LPAR5: variants seen among roughly 807,000 people sequenced by gnomAD.
LPAR5 encodes G protein-coupled receptor 92.
For missense variants in LPAR5, 544 were observed against 521.8 expected, an observed-to-expected ratio of 1.04 and a Z score of -0.41; for synonymous variants, 271 against 261.6, an observed-to-expected ratio of 1.04 and a Z score of -0.35.
rs1175559856 is a variant in LPAR5 at position 6,620,785 on chromosome 12, G to A, written c.464C>T (p.Pro155Leu). 6.3e-7 allele frequency: 1 copy of A among 1,582,566 alleles called. No homozygotes were observed. The highest frequency in any genetic ancestry group is 8.6e-7 in the Non-Finnish European group (1 of 1,165,098). The change falls in exon 2 of 2, where the codon CCC (proline) becomes CTC (leucine). Residue 155 changes from proline (P) to leucine (L), a missense_variant. Physicochemically the swap from Pro to Leu is moderately conservative, Grantham distance 98 (BLOSUM62 -3). Coordinates refer to ENST00000329858, the MANE Select transcript of LPAR5 (RefSeq NM_020400.6). This position sits in a 1 kb window ranked among gnomAD's most constrained non-coding sequence, Gnocchi z 6.8. ...VWALILVFAVPAARVHRPSRC... is the reference protein window; with the variant it reads ...VWALILVFAVLAARVHRPSRC... ...CGAGGGCCTGTGCACGCGGGCGGCGGGCACGGCAAACACCAGGATGAGCGC... is the reference window on the plus strand; with the variant it reads ...CGAGGGCCTGTGCACGCGGGCGGCGAGCACGGCAAACACCAGGATGAGCGC...
Position 6,621,061 on chromosome 12 carries a change from T to G in LPAR5, c.188A>C (p.Asn63Thr). The G allele has an allele frequency of 6.2e-7, 1 of 1,605,228 alleles. No individual in the cohort carries two copies. The highest frequency in any genetic ancestry group is 8.5e-7 in the Non-Finnish European group (1 of 1,174,890). ...GAAGAGCAGGTCGCTGGCCGCCAGG[T>G]TACACATGTACACGCTCACCACCGA... ...VHSVVSVYMC[N>T]LAASDLLFTL... The change falls in exon 2 of 2, where the codon AAC (asparagine) becomes ACC (threonine). Residue 63 changes from asparagine (N) to threonine (T), a missense_variant. Coordinates refer to ENST00000329858, the MANE Select transcript of LPAR5 (RefSeq NM_020400.6).
chr12:6,625,525 T>G (rs890394705), intron 1 of LPAR5, among the ~76,000 whole-genome samples: 3 of 150,060 alleles, frequency 2.0e-5, no homozygotes, highest in Non-Finnish European at 4.4e-5. Context: ...ATCGAGACCA[T>G]CCTGGCTAAC....
At position 6,635,395 on chromosome 12, in the gene LPAR5, A is replaced by G. The variant is rs1462540559; in HGVS notation, c.-217+512T>C. On this transcript the variant is annotated intron_variant, in intron 1 of 1. Transcript: ENST00000329858. ...TAAGGCAGCACTTCCTGAAGACCCC[A>G]TTACAGTACACCTTGGCTAGTTGGG... Among the ~76,000 whole-genome samples, 4 of 152,220 alleles carry G rather than the reference A, an allele frequency of 2.6e-5. No individual in the cohort carries two copies. The East Asian group carries it at 7.7e-4, about 29-fold the overall frequency.
intron 1 of LPAR5, among the ~76,000 whole-genome samples, chr12:6,628,240 C>T (rs1284693493): frequency 2.0e-5 from 3 of 152,058 alleles, no homozygotes; most frequent in Admixed American, 1.3e-4. Flanking sequence ...CCAGGATGGT[C>T]TCTATCTCCT....
chr12:6,621,193 C>T lies in LPAR5; in HGVS notation c.56G>A (p.Arg19Gln). The part of the protein sequence containing the change: ...NSSVLPCPDY[R>Q]PTHRLHLVVY... ...CACCAAGTGCAGGCGGTGGGTAGGTCGGTAGTCAGGACACGGGAGAACAGA... is the reference window on the plus strand; with the variant it reads ...CACCAAGTGCAGGCGGTGGGTAGGTTGGTAGTCAGGACACGGGAGAACAGA... The change falls in exon 2 of 2, where the codon CGA (arginine) becomes CAA (glutamine). Residue 19 changes from arginine to glutamine, a missense_variant. Physicochemically the swap from Arg to Gln is conservative, Grantham distance 43. Transcript: ENST00000329858. 1.9e-6 allele frequency: 3 copies of T among 1,553,606 alleles called. No individual in the cohort carries two copies. The highest frequency in any genetic ancestry group is 2.6e-6 in the Non-Finnish European group (3 of 1,150,464).
chr12:6,626,803 G>T (rs755217770), intron 1 of LPAR5, among the ~76,000 whole-genome samples: 2 of 152,222 alleles, frequency 1.3e-5, no homozygotes, highest in East Asian at 3.9e-4. Flanking sequence ...AACCGCCCCC[G>T]CAACACAAGG....
At chr12:6,628,168 C>G (rs1384187947) in intron 1 of LPAR5, among the ~76,000 whole-genome samples, 1 of 151,118 alleles carries the variant, frequency 6.6e-6, no homozygotes, top group East Asian at 2.0e-4. Context: ...ACTACAGGCA[C>G]CTGCCACCTC....
chr12:6,624,481 A>G (rs757062473), intron 1 of LPAR5, among the ~76,000 whole-genome samples: 3 of 151,934 alleles, frequency 2.0e-5, no homozygotes, highest in Non-Finnish European at 2.9e-5. Context: ...TTCTGTCTCA[A>G]TGAATTTGCC....
chr12:6,627,371 C>G (rs969621170), intron 1 of LPAR5, among the ~76,000 whole-genome samples: 1 of 152,150 alleles, frequency 6.6e-6, no homozygotes, highest in African/African-American at 2.4e-5. Flanking sequence ...GCAGGCGTAT[C>G]ACGAGGCCAG....
Position 6,619,903 on chromosome 12 carries a change from C to G in LPAR5, c.*227G>C, listed in dbSNP as rs943344312. 9.8e-6 allele frequency: 7 copies of G among 717,006 alleles called. No individual in the cohort carries two copies. Among genetic ancestry groups the G allele is most frequent in the Non-Finnish European group, 1.5e-5 (6 of 400,210 alleles). 44.4% of individuals were successfully genotyped at this position (717,006 alleles called of 1,614,324 possible). A position where few individuals can be genotyped will look rare whatever the true frequency, so the allele number is the denominator to read the frequency against. Reference sequence around the variant, plus strand: ...GGGCTCTCTGCATCACTTCCCACCGCTGGAGAAGGGGTGCTCTGCGTGCTC... The same window carrying G: ...GGGCTCTCTGCATCACTTCCCACCGGTGGAGAAGGGGTGCTCTGCGTGCTC... On this transcript the variant is annotated 3_prime_UTR_variant, in exon 2 of 2. Coordinates refer to ENST00000329858, the MANE Select transcript of LPAR5 (RefSeq NM_020400.6).
chr12:6,633,517 A>G (rs886104572), intron 1 of LPAR5, among the ~76,000 whole-genome samples: 1 of 151,824 alleles, frequency 6.6e-6, no homozygotes, highest in Non-Finnish European at 1.5e-5. Context: ...GGTTCACGCA[A>G]TTCTCCTGCC....
intron 1 of LPAR5, among the ~76,000 whole-genome samples, 151 bp downstream of exon 1, chr12:6,635,756 G>T (rs1314728094): frequency 6.6e-6 from 1 of 152,176 alleles, no homozygotes; most frequent in African/African-American, 2.4e-5. Context: ...GTCTATTTGA[G>T]GCAGCTCCTT....
chr12:6,619,831 C>A lies in LPAR5; in HGVS notation c.*299G>T. The A allele has an allele frequency of 1.8e-6, 1 of 563,836 alleles. No homozygotes were observed. The highest frequency in any genetic ancestry group is 1.7e-5 in the South Asian group (1 of 57,488). 34.9% of individuals were successfully genotyped at this position (563,836 alleles called of 1,614,324 possible). On this transcript the variant is annotated 3_prime_UTR_variant, in exon 2 of 2. Transcript: ENST00000329858. ...TAACCAGCTTTTAGCAGTTTAATGC[C>A]CTGCCCACCCAAAGGCATTTCGTCC... is the stretch of plus-strand genomic sequence containing the variant.
intron 1 of LPAR5, among the ~76,000 whole-genome samples, chr12:6,625,720 C>A (rs771111165): frequency 2.6e-3 from 356 of 138,230 alleles, no homozygotes; most frequent in South Asian, 2.9e-3. Flanking sequence ...GACTCCGTCT[C>A]AAAAAAAAAA....
rs1437189194 is a variant in LPAR5 at position 6,619,339 on chromosome 12, AGAGAGAAGAGGAGAAGAGAGAG to A, written c.*769_*790del. On this transcript the variant is annotated 3_prime_UTR_variant, in exon 2 of 2. Coordinates refer to ENST00000329858, the MANE Select transcript of LPAR5 (RefSeq NM_020400.6). ...CTGGACAAAGGAGAGAGAGGGAGAG[AGAGAGAAGAGGAGAAGAGAGAG>A]GAGAGGAGAGGAGAGAGAAGAGAGA... The A allele has an allele frequency of 7.8e-6, 1 of 128,284 alleles. No individual in the cohort carries two copies. Among genetic ancestry groups the A allele is most frequent in the Non-Finnish European group, 1.7e-5 (1 of 57,204 alleles). The allele number at this position is 128,284 out of a possible 1,614,324, so 7.9% of individuals were successfully genotyped here.
chr12:6,632,867 G>T (rs911829882), intron 1 of LPAR5, among the ~76,000 whole-genome samples: 1 of 152,172 alleles, frequency 6.6e-6, no homozygotes, highest in Non-Finnish European at 1.5e-5. Flanking sequence ...CTTCCTCAGA[G>T]AGGAGTCTCT....
At chr12:6,633,855 G>C (rs1948995411) in intron 1 of LPAR5, among the ~76,000 whole-genome samples, 1 of 152,152 alleles carries the variant, frequency 6.6e-6, no homozygotes, top group African/African-American at 2.4e-5. Context: ...CCTCTGAGTG[G>C]CTGGGTGGTG....
chr12:6,634,502 T>C (rs1369280979), intron 1 of LPAR5, among the ~76,000 whole-genome samples: 2 of 151,718 alleles, frequency 1.3e-5, no homozygotes, highest in African/African-American at 2.4e-5. Context: ...TTGTGGTGGC[T>C]CAAGCCTATA....
intron 1 of LPAR5, among the ~76,000 whole-genome samples, chr12:6,622,807 C>T (rs185664513): frequency 1.3e-5 from 2 of 151,764 alleles, no homozygotes; most frequent in African/African-American, 2.4e-5. Flanking sequence ...GGCACATGCC[C>T]GTAGTCCCAG....
Sources: allele counts gnomAD v4.1 joint callset (sites outside exome capture counted in the v4.1 genomes callset), GRCh38; gene constraint gnomAD v4.1.1; non-coding constraint Gnocchi (gnomAD v3.1); transcripts MANE v1.5; gene names NCBI Gene and HGNC (gene_info 2026-07-23, HGNC 2026-07-21).